The following KCNIP4 variants were observed in gnomAD, a reference collection of about 807,000 sequenced individuals.
KCNIP4 encodes potassium voltage-gated channel interacting protein 4, also known as Kv channel-interacting protein 4.
In KCNIP4, 12 loss-of-function variants were observed where a neutral mutation model predicts 34.0. The observed-to-expected ratio is 0.35, with a 90% CI of 0.23 to 0.57. The LOEUF (loss-of-function observed/expected upper bound fraction) is 0.57, where lower values mean the gene tolerates loss of function less well. KCNIP4 is among the 20% of genes least tolerant of loss of function. The probability of loss-of-function intolerance (pLI) is 0.83; values close to 1 mark genes in which losing one functional copy is unlikely to be tolerated. For missense variants in KCNIP4, 238 were observed against 311.7 expected (o/e 0.76, Z 1.78); for synonymous variants, 124 against 102.2 (o/e 1.21, Z -1.29).
chr4:21,771,684 T>C (rs1003569705), intron 1 of KCNIP4, among the ~76,000 whole-genome samples: 8 of 152,124 alleles, frequency 5.3e-5, no homozygotes, highest in African/African-American at 1.7e-4. Context: ...ATTCTCTTTG[T>C]AGTGATTGTG....
chr4:21,557,723 C>T (rs1015802544), intron 1 of KCNIP4, among the ~76,000 whole-genome samples: 1 of 152,090 alleles, frequency 6.6e-6, no homozygotes. Context: ...ATATCCTAGG[C>T]ATTTGCTTCA....
At chr4:20,817,761 A>G (rs1716600630) in intron 3 of KCNIP4, among the ~76,000 whole-genome samples, 1 of 151,154 alleles carries the variant, frequency 6.6e-6, no homozygotes, top group South Asian at 2.1e-4. Flanking sequence ...TGCAATTACT[A>G]TGGATTTTAA....
At chr4:20,773,537 CG>C (rs1225669071) in intron 3 of KCNIP4, among the ~76,000 whole-genome samples, 1 of 152,146 alleles carries the variant, frequency 6.6e-6, no homozygotes, top group Non-Finnish European at 1.5e-5. Context: ...GCTCAGACGG[CG>C]CTCAGCGTGA....
At chr4:21,813,083 C>A (rs552229470) in intron 1 of KCNIP4, among the ~76,000 whole-genome samples, 114 of 152,140 alleles carry the variant, frequency 7.5e-4, no homozygotes, top group Non-Finnish European at 1.4e-3. Flanking sequence ...CCATAATCTG[C>A]AAAGTTTCCT....
chr4:20,931,366 A>G (rs1730450764), intron 1 of KCNIP4, among the ~76,000 whole-genome samples: 1 of 152,140 alleles, frequency 6.6e-6, no homozygotes, highest in Non-Finnish European at 1.5e-5. Context: ...CAACAAGGAT[A>G]TGTTCCGAAA....
intron 1 of KCNIP4, among the ~76,000 whole-genome samples, chr4:21,306,480 G>T (rs928142522): frequency 6.6e-6 from 1 of 152,106 alleles, no homozygotes; most frequent in African/African-American, 2.4e-5. Flanking sequence ...GAGCTCAAGT[G>T]ATCTTCCTGT....
chr4:21,481,882 C>T (rs1244225882), intron 1 of KCNIP4, among the ~76,000 whole-genome samples: 2 of 152,074 alleles, frequency 1.3e-5, no homozygotes, highest in African/African-American at 4.8e-5. Flanking sequence ...GTGATAAAGG[C>T]TAAATCTAAA....
intron 1 of KCNIP4, among the ~76,000 whole-genome samples, chr4:21,800,048 C>CTA (rs1173945357): frequency 6.6e-6 from 1 of 152,168 alleles, no homozygotes; most frequent in East Asian, 1.9e-4. Flanking sequence ...AAGATAATCT[C>CTA]TATATACAGC....
At chr4:21,875,499 A>C (rs529595803) in intron 1 of KCNIP4, among the ~76,000 whole-genome samples, 8 of 152,304 alleles carry the variant, frequency 5.3e-5, no homozygotes, top group African/African-American at 1.7e-4. Context: ...TTAGTACTCC[A>C]TATCTGTGAG....
chr4:21,274,418 T>A (rs758069843), intron 1 of KCNIP4, among the ~76,000 whole-genome samples: 13 of 152,318 alleles, frequency 8.5e-5, no homozygotes, highest in Admixed American at 7.2e-4. Flanking sequence ...CTTTGGGATA[T>A]GACATTTAAC....
intron 1 of KCNIP4, among the ~76,000 whole-genome samples, chr4:21,460,866 G>T (rs372598708): frequency 1.2e-4 from 18 of 152,024 alleles, no homozygotes; most frequent in Admixed American, 7.2e-4. Flanking sequence ...AATCTTTTGG[G>T]ATGTATCCTT....
chr4:21,016,417 T>C (rs1363313225), intron 1 of KCNIP4, among the ~76,000 whole-genome samples: 1 of 150,848 alleles, frequency 6.6e-6, no homozygotes, highest in Non-Finnish European at 1.5e-5. Flanking sequence ...TCCTGCCTCA[T>C]CCTGAGTAGC....
intron 1 of KCNIP4, among the ~76,000 whole-genome samples, chr4:21,635,232 G>T (rs1291083217): frequency 6.6e-6 from 1 of 152,084 alleles, no homozygotes. Context: ...TGGAAAATGA[G>T]CAAATAAATG....
intron 1 of KCNIP4, among the ~76,000 whole-genome samples, chr4:21,667,455 G>A (rs1749072924): frequency 6.6e-6 from 1 of 152,208 alleles, no homozygotes; most frequent in East Asian, 1.9e-4. Context: ...ATGTGAGAGA[G>A]GATGTTGGAG....
intron 1 of KCNIP4, among the ~76,000 whole-genome samples, chr4:20,927,879 T>A (rs1730055405): frequency 1.3e-5 from 2 of 152,170 alleles, no homozygotes; most frequent in Admixed American, 6.6e-5. Flanking sequence ...TGCAACAGCA[T>A]CTATCCCACT....
chr4:20,747,099 C>T (rs2149327845), intron 5 of KCNIP4, among the ~76,000 whole-genome samples: 1 of 152,268 alleles, frequency 6.6e-6, no homozygotes, highest in African/African-American at 2.4e-5. Flanking sequence ...ATCATTACAA[C>T]TAATTTCCCA....
chr4:20,731,337 G>A (rs1219074089), intron 8 of KCNIP4: 1 of 937,260 alleles, frequency 1.1e-6, no homozygotes. Flanking sequence ...GCCTCCCATA[G>A]TGCTGGGATT....
chr4:21,176,576 G>A (rs1429064348), intron 1 of KCNIP4, among the ~76,000 whole-genome samples: 1 of 152,166 alleles, frequency 6.6e-6, no homozygotes, highest in Non-Finnish European at 1.5e-5. Flanking sequence ...TAGATAGAGT[G>A]CAATGGCACA....
At chr4:20,944,012 C>A (rs1243794961) in intron 1 of KCNIP4, among the ~76,000 whole-genome samples, 1 of 152,120 alleles carries the variant, frequency 6.6e-6, no homozygotes, top group African/African-American at 2.4e-5. Flanking sequence ...TCACAGGAGG[C>A]CTTGACCAGT....
Sources: gnomAD v4.1 joint callset for allele counts (sites outside exome capture counted in the v4.1 genomes callset) on GRCh38, gnomAD v4.1.1 for gene constraint, MANE v1.5 for transcripts, NCBI Gene and HGNC (gene_info 2026-07-23, HGNC 2026-07-21) for gene names.